KCNK2: variants seen among roughly 807,000 people sequenced by gnomAD.
KCNK2 encodes potassium channel subfamily K member 2.
In KCNK2, 21 loss-of-function variants were observed where a neutral mutation model predicts 40.5. That is an observed-to-expected ratio of 0.52 (90% CI 0.37 to 0.75). The LOEUF is 0.75. Among genes scored for constraint, KCNK2 ranks in the 30% least tolerant of loss-of-function variants. The pLI, the probability that KCNK2 is intolerant of heterozygous loss-of-function variation, is 0.00. For synonymous variants in KCNK2, 191 were observed against 202.2 expected, an observed-to-expected ratio of 0.94 and a Z score of 0.47; for missense variants, 399 against 531.6, an observed-to-expected ratio of 0.75 and a Z score of 2.45.
intron 3 of KCNK2, among the ~76,000 whole-genome samples, chr1:215,144,982 A>T (rs190537838): frequency 6.6e-6 from 1 of 152,342 alleles, no homozygotes; most frequent in East Asian, 1.9e-4. Context: ...ATTTGACTGA[A>T]TATCAAGTAG....
At chr1:215,007,031 A>ATGTGTGTGTGTGTG (rs1346524192) in intron 1 of KCNK2, among the ~76,000 whole-genome samples, 1 of 79,300 alleles carries the variant, frequency 1.3e-5, no homozygotes, top group African/African-American at 5.6e-5. Flanking sequence ...ATATATATAT[A>ATGTGTGTGTGTGTG]TATATATGTG....
intron 1 of KCNK2, among the ~76,000 whole-genome samples, chr1:215,059,698 T>C (rs567191687): frequency 9.2e-5 from 14 of 152,194 alleles, no homozygotes; most frequent in African/African-American, 3.1e-4. Context: ...AGAATTTTAT[T>C]TGTGGGCAAA....
chr1:215,064,518 A>G (rs573345470), intron 1 of KCNK2, among the ~76,000 whole-genome samples: 8 of 152,176 alleles, frequency 5.3e-5, no homozygotes, highest in Non-Finnish European at 1.0e-4. Context: ...TGCACGAGGC[A>G]CCATTGGCTT....
chr1:215,135,053 T>A (rs1165518706), intron 3 of KCNK2, among the ~76,000 whole-genome samples: 2 of 152,126 alleles, frequency 1.3e-5, no homozygotes, highest in African/African-American at 2.4e-5. Flanking sequence ...TTTAACTTGA[T>A]GGAAAAAAAG....
In KCNK2 at chr1:215,072,828, G is replaced by C. The variant is rs551694750; in HGVS notation, c.35-13540G>C. ...AGACAACAAGGTCCCTTGTCTATTGGAATTTGTTTTGGTCTTATAGGCAAT... is the reference window on the plus strand; with the variant it reads ...AGACAACAAGGTCCCTTGTCTATTGCAATTTGTTTTGGTCTTATAGGCAAT... On this transcript the variant is annotated intron_variant, in intron 1 of 6. Transcript: ENST00000391895. Among the ~76,000 whole-genome samples the C allele has an allele frequency of 7.6e-4, 115 of 152,210 alleles. 1 individual carries two copies. Among genetic ancestry groups the C allele is most frequent in the Admixed American group, 2.2e-3 (33 of 15,280 alleles).
At chr1:215,113,184 C>T (rs1190454157) in intron 2 of KCNK2, among the ~76,000 whole-genome samples, 1 of 152,066 alleles carries the variant, frequency 6.6e-6, no homozygotes. Context: ...TGTTCACCGA[C>T]GTTCAACTTT....
At chr1:215,150,552 G>A (rs552945901) in intron 3 of KCNK2, among the ~76,000 whole-genome samples, 109 of 152,164 alleles carry the variant, frequency 7.2e-4, no homozygotes, top group African/African-American at 2.6e-3. Context: ...AGCTCAAGCT[G>A]TTCTCTAAAA....
chr1:215,065,015 C>T (rs1658488600), intron 1 of KCNK2, among the ~76,000 whole-genome samples: 1 of 152,076 alleles, frequency 6.6e-6, no homozygotes, highest in South Asian at 2.1e-4. Flanking sequence ...GAAAGTAATA[C>T]AGGATTTAAA....
intron 1 of KCNK2, among the ~76,000 whole-genome samples, chr1:215,007,207 A>AGGC (rs1656208257): frequency 9.0e-6 from 1 of 111,420 alleles, no homozygotes; most frequent in Non-Finnish European, 1.8e-5. Context: ...ATATATATAT[A>AGGC]TATATATATA....
chr1:215,231,464 G>A (rs1383565779), intron 6 of KCNK2, among the ~76,000 whole-genome samples: 1 of 152,054 alleles, frequency 6.6e-6, no homozygotes, highest in Non-Finnish European at 1.5e-5. Flanking sequence ...GCTCGGTGTT[G>A]CTCTTTTAAA....
In KCNK2 at chr1:215,122,062, G is replaced by A. The variant is rs191011673; in HGVS notation, c.358-2571G>A. ...GCAATATATATTTATGTATACAACA[G>A]CAATAACCAATTATAATTCAAAGTG... On this transcript the variant is annotated intron_variant, in intron 2 of 6. Coordinates refer to ENST00000444842, the MANE Select transcript of KCNK2 (RefSeq NM_001017425.3). 1.2e-3 allele frequency among the ~76,000 whole-genome samples: 183 copies of A among 152,120 alleles called. 2 individuals carry two copies. The highest frequency in any genetic ancestry group is 0.011 in the Admixed American group (161 of 15,278).
intron 5 of KCNK2, among the ~76,000 whole-genome samples, chr1:215,193,588 C>T (rs570068745): frequency 6.6e-6 from 1 of 152,248 alleles, no homozygotes; most frequent in East Asian, 1.9e-4. Flanking sequence ...TTCTTGCCAT[C>T]TCTGCCCTAT....
At chr1:215,225,750 G>A (rs1012039527) in intron 6 of KCNK2, among the ~76,000 whole-genome samples, 2 of 152,186 alleles carry the variant, frequency 1.3e-5, no homozygotes, top group African/African-American at 4.8e-5. Context: ...TTACCATCTA[G>A]TTGGGAAGAC....
At chr1:215,155,742 A>C (rs1662891697) in intron 3 of KCNK2, among the ~76,000 whole-genome samples, 2 of 152,138 alleles carry the variant, frequency 1.3e-5, no homozygotes, top group South Asian at 4.1e-4. Flanking sequence ...GTTGGTCTCC[A>C]TCTCTTGACC....
rs1381649580 is a variant in KCNK2 at position 215,007,009 on chromosome 1, A to ATGTGTGTG, written c.34+1055_34+1056insGTGTGTGT. Among the ~76,000 whole-genome samples the ATGTGTGTG allele has an allele frequency of 9.5e-3, 132 of 13,888 alleles. 6 individuals are homozygous for ATGTGTGTG. The highest frequency in any genetic ancestry group is 0.015 in the African/African-American group (126 of 8,240). The allele number at this position is 13,888 out of a possible 152,430, so 9.1% of individuals were successfully genotyped here. ...GGGGACCAATTCACTATATATATAT[A>ATGTGTGTG]TATATATATATATATATATATATAT... On this transcript the variant is annotated intron_variant, in intron 1 of 6. Coordinates refer to the KCNK2 transcript ENST00000391895.
At chr1:215,114,690 A>G (rs1166485342) in intron 2 of KCNK2, among the ~76,000 whole-genome samples, 1 of 152,194 alleles carries the variant, frequency 6.6e-6, no homozygotes, top group East Asian at 1.9e-4. Flanking sequence ...TAAACATATT[A>G]AACAGTTTTG....
At chr1:215,043,892 A>G (rs141836822) in intron 1 of KCNK2, among the ~76,000 whole-genome samples, 60 of 152,336 alleles carry the variant, frequency 3.9e-4, no homozygotes, top group African/African-American at 1.3e-3. Flanking sequence ...ACTTAGCAGC[A>G]TTAACGACAA....
rs938359676 is a variant in KCNK2, at chr1:215,156,122, C to T, written c.476-13077C>T. Among the ~76,000 whole-genome samples, 10 of 151,734 alleles carry T rather than the reference C, an allele frequency of 6.6e-5. No individual in the cohort carries two copies. In the East Asian group the frequency reaches 1.5e-3, roughly 23 times the overall value. ...TGTAATCAATCAGTCTCTACACTCACGGAGCTCAAATTTGAGTAGGGAAGA... is the reference window on the plus strand; with the variant it reads ...TGTAATCAATCAGTCTCTACACTCATGGAGCTCAAATTTGAGTAGGGAAGA... On this transcript the variant is annotated intron_variant, in intron 3 of 6. Coordinates refer to ENST00000444842, the MANE Select transcript of KCNK2 (RefSeq NM_001017425.3).
At chr1:215,179,201 T>A (rs1342602354) in intron 5 of KCNK2, among the ~76,000 whole-genome samples, 2 of 152,016 alleles carry the variant, frequency 1.3e-5, no homozygotes, top group East Asian at 3.9e-4. Flanking sequence ...GTTGTAATGT[T>A]ACCTTTGTCA....
Sources: allele counts gnomAD v4.1 joint callset (sites outside exome capture counted in the v4.1 genomes callset), GRCh38; gene constraint gnomAD v4.1.1; transcripts MANE v1.5; gene names NCBI Gene and HGNC (gene_info 2026-07-23, HGNC 2026-07-21).